The following CHCHD4 variants were observed in gnomAD, a reference collection of about 807,000 sequenced individuals.
The protein encoded by CHCHD4 is coiled-coil-helix-coiled-coil-helix domain containing 4.
CHCHD4 carries 7 observed loss-of-function variants against 12.4 expected under a neutral mutation model. The observed-to-expected ratio is 0.57, with a 90% CI of 0.32 to 1.06. The LOEUF is 1.06. CHCHD4 is among the 50% of genes least tolerant of loss of function. CHCHD4 has a pLI of 0.04. For missense variants in CHCHD4, 143 were observed against 175.1 expected (o/e 0.82, Z 1.03); for synonymous variants, 56 against 58.0 (o/e 0.97, Z 0.16).
At chr3:14,116,993 G>A (rs1046385324) in intron 1 of CHCHD4, among the ~76,000 whole-genome samples, 2 of 152,252 alleles carry the variant, frequency 1.3e-5, no homozygotes, top group African/African-American at 4.8e-5. Flanking sequence ...CATAAGGTGA[G>A]GAACACTGCA....
chr3:14,114,742 G>A (rs936018034), intron 2 of CHCHD4, among the ~76,000 whole-genome samples: 3 of 152,170 alleles, frequency 2.0e-5, no homozygotes, highest in Non-Finnish European at 2.9e-5. Context: ...AGGTAAGCTG[G>A]AATGAGATAC....
At chr3:14,113,264 GCTA>G (rs1391392980) in intron 2 of CHCHD4, 70 bp from the exon 3 acceptor site, 12 of 1,275,776 alleles carry the variant, frequency 9.4e-6, no homozygotes, top group Non-Finnish European at 1.3e-5. Context: ...GTCCTCACAG[GCTA>G]CTGAGGGGGT....
intron 1 of CHCHD4, among the ~76,000 whole-genome samples, chr3:14,122,262 A>C (rs554721356): frequency 6.6e-6 from 1 of 152,320 alleles, no homozygotes; most frequent in South Asian, 2.1e-4. Context: ...CCTTCATGTC[A>C]CCTATGACAG....
At chr3:14,117,560 A>T (rs1694888957) in intron 1 of CHCHD4, among the ~76,000 whole-genome samples, 1 of 152,210 alleles carries the variant, frequency 6.6e-6, no homozygotes, top group South Asian at 2.1e-4. Context: ...TTTGGCCATC[A>T]GCTAACCACA....
rs1160321391 is a variant in CHCHD4 at position 14,112,905 on chromosome 3, T to G, written c.411A>C (p.Glu137Asp). ...GCCTTCATTAACTTGATCCCTCCTC[T>G]TCTTTGGTTGCAGTGGCCTCAATGG... ...TAPIEATATK[E>D]EEGSS The change falls in exon 3 of 3, where the codon GAA (glutamate) becomes GAC (aspartate). Residue 137 changes from glutamate (E) to aspartate (D), a missense_variant. By Grantham distance (45) the Glu-to-Asp change is conservative. Transcript: ENST00000396914. 3 of 1,612,476 alleles carry G rather than the reference T, an allele frequency of 1.9e-6. No individual in the cohort carries two copies. Among genetic ancestry groups the G allele is most frequent in the Non-Finnish European group, 2.5e-6 (3 of 1,179,288 alleles).
intron 1 of CHCHD4, among the ~76,000 whole-genome samples, chr3:14,118,001 C>A (rs1252483674): frequency 6.6e-6 from 1 of 152,210 alleles, no homozygotes. Context: ...CAACCTCGGC[C>A]CCAAAAAGCT....
rs1481524111 is a variant in CHCHD4 at position 14,124,686 on chromosome 3, C to G, written c.-10G>C. 1 of 1,528,828 alleles carries G rather than the reference C, an allele frequency of 6.5e-7. No individual in the cohort carries two copies. Among genetic ancestry groups the G allele is most frequent in the Admixed American group, 2.1e-5 (1 of 47,636 alleles). 94.7% of individuals were successfully genotyped at this position (1,528,828 alleles called of 1,614,324 possible). A position where few individuals can be genotyped will look rare whatever the true frequency, so the allele number is the denominator to read the frequency against. On this transcript the variant is annotated 5_prime_UTR_variant, in exon 1 of 3. Coordinates refer to ENST00000396914, the MANE Select transcript of CHCHD4 (RefSeq NM_001098502.2). The stretch of plus-strand genomic sequence containing the variant: ...GCCGGCAATAGGACATGGCTGCAGC[C>G]CGTCCCTGAGACCTTGCAGAAGCGG...
In CHCHD4 at chr3:14,112,088, T is replaced by C. The variant is rs1305276666; in HGVS notation, c.*799A>G. 6.6e-6 allele frequency: 1 copy of C among 152,202 alleles called. No homozygotes were observed. The highest frequency in any genetic ancestry group is 1.9e-4 in the East Asian group (1 of 5,196). 9.4% of individuals were successfully genotyped at this position (152,202 alleles called of 1,614,324 possible). A position where few individuals can be genotyped will look rare whatever the true frequency, so the allele number is the denominator to read the frequency against. ...GGACACATTCAAAATCAGGTAGAAATCATGTTTCCTTTTAATTGAATACTT... is the reference window on the plus strand; with the variant it reads ...GGACACATTCAAAATCAGGTAGAAACCATGTTTCCTTTTAATTGAATACTT... On this transcript the variant is annotated 3_prime_UTR_variant, in exon 3 of 3. Transcript: ENST00000396914.
intron 1 of CHCHD4, chr3:14,121,906 G>A (rs1293151420): frequency 6.2e-7 from 1 of 1,614,160 alleles, no homozygotes; most frequent in Admixed American, 1.7e-5. Context: ...TAGAAGTTTA[G>A]CTCAACAAAC....
chr3:14,120,696 C>T (rs1045317363), intron 1 of CHCHD4, among the ~76,000 whole-genome samples: 3 of 152,138 alleles, frequency 2.0e-5, no homozygotes, highest in Admixed American at 2.0e-4. Context: ...ATTGCAGTAT[C>T]CTGAGAGCCC....
chr3:14,124,689 TC>T lies in CHCHD4; in HGVS notation c.-14del. 6.6e-7 allele frequency: 1 copy of T among 1,526,404 alleles called. No homozygotes were observed. Among genetic ancestry groups the T allele is most frequent in the Non-Finnish European group, 8.8e-7 (1 of 1,139,060 alleles). The allele number at this position is 1,526,404 out of a possible 1,614,324, so 94.6% of individuals were successfully genotyped here. ...GGCAATAGGACATGGCTGCAGCCCG[TC>T]CCTGAGACCTTGCAGAAGCGGCGGT... On this transcript the variant is annotated 5_prime_UTR_variant, in exon 1 of 3. Coordinates refer to ENST00000396914, the MANE Select transcript of CHCHD4 (RefSeq NM_001098502.2).
At chr3:14,120,613 T>C (rs1214745622) in intron 1 of CHCHD4, among the ~76,000 whole-genome samples, 1 of 152,198 alleles carries the variant, frequency 6.6e-6, no homozygotes, top group Admixed American at 6.5e-5. Context: ...CAACATACTA[T>C]GTATGTTTAC....
chr3:14,121,796 C>T, intron 1 of CHCHD4: 2 of 1,544,182 alleles, frequency 1.3e-6, no homozygotes, highest in East Asian at 4.6e-5. Flanking sequence ...TGTTTAGAAT[C>T]TAACCCCTTT....
chr3:14,115,093 T>G (rs73817810), intron 2 of CHCHD4, among the ~76,000 whole-genome samples: 2,431 of 152,342 alleles, frequency 0.016, 64 homozygotes, highest in African/African-American at 0.055. Context: ...AATGGTGGCT[T>G]ACTTGGTCCA....
intron 1 of CHCHD4, among the ~76,000 whole-genome samples, chr3:14,118,472 T>C (rs1229568793): frequency 1.3e-5 from 2 of 152,182 alleles, no homozygotes; most frequent in East Asian, 3.9e-4. Context: ...GAGCGACATC[T>C]CCAGTGAGAA....
At chr3:14,113,717 C>G (rs1694845627) in intron 2 of CHCHD4, among the ~76,000 whole-genome samples, 1 of 152,044 alleles carries the variant, frequency 6.6e-6, no homozygotes, top group African/African-American at 2.4e-5. Flanking sequence ...TCCTTATGTA[C>G]TGACGAAGAA....
chr3:14,123,886 T>C (rs1181872345), intron 1 of CHCHD4, among the ~76,000 whole-genome samples: 2 of 152,084 alleles, frequency 1.3e-5, no homozygotes, highest in African/African-American at 2.4e-5. Flanking sequence ...AAGGAAGCAG[T>C]AGGTGGTCGG....
At chr3:14,119,314 C>G (rs557979418) in intron 1 of CHCHD4, 1 of 152,360 alleles carries the variant, frequency 6.6e-6, no homozygotes, top group South Asian at 2.1e-4. Context: ...ACCACAGGAT[C>G]TGAGAAACAG....
At chr3:14,124,421 G>A (rs1466702041) in intron 1 of CHCHD4, among the ~76,000 whole-genome samples, 1 of 152,182 alleles carries the variant, frequency 6.6e-6, no homozygotes, top group Non-Finnish European at 1.5e-5. Flanking sequence ...CTGAGGTCAG[G>A]GTTCGGGCTT....
Sources: gnomAD v4.1 joint callset for allele counts (sites outside exome capture counted in the v4.1 genomes callset) on GRCh38, gnomAD v4.1.1 for gene constraint, MANE v1.5 for transcripts, NCBI Gene and HGNC (gene_info 2026-07-23, HGNC 2026-07-21) for gene names.